The following RAB11FIP4 variants were observed in gnomAD, a reference collection of about 807,000 sequenced individuals.
RAB11FIP4 encodes the protein rab11 family-interacting protein 4.
Under a neutral mutation model 74.3 loss-of-function variants are expected in RAB11FIP4, and 23 were observed. That is an observed-to-expected ratio of 0.31 (90% CI 0.22 to 0.44). The LOEUF (loss-of-function observed/expected upper bound fraction) is 0.44, where lower values mean the gene tolerates loss of function less well. RAB11FIP4 is among the 20% of genes least tolerant of loss of function. The probability of loss-of-function intolerance (pLI) is 1.00; values close to 1 mark genes in which losing one functional copy is unlikely to be tolerated. For synonymous variants in RAB11FIP4, 360 were observed against 359.9 expected (o/e 1.00, Z 0.00); for missense variants, 630 against 863.9 (o/e 0.73, Z 3.39).
chr17:31,437,558 T>TG (rs1264222732), intron 3 of RAB11FIP4, among the ~76,000 whole-genome samples: 3 of 152,006 alleles, frequency 2.0e-5, no homozygotes, highest in African/African-American at 7.2e-5. Flanking sequence ...TGAGGAGGTG[T>TG]GGGGATGACA....
At chr17:31,407,797 C>T (rs2071056771) in intron 1 of RAB11FIP4, among the ~76,000 whole-genome samples, 1 of 152,104 alleles carries the variant, frequency 6.6e-6, no homozygotes, top group Admixed American at 6.6e-5. Context: ...GTGGTGTCTA[C>T]CTCATCTATT....
intron 1 of RAB11FIP4, among the ~76,000 whole-genome samples, chr17:31,403,051 G>A (rs952657055): frequency 3.9e-5 from 6 of 152,004 alleles, no homozygotes; most frequent in African/African-American, 7.3e-5. Flanking sequence ...AGATATATGA[G>A]TATGACTGAG....
In RAB11FIP4 at chr17:31,528,835, G is replaced by A. The variant is rs559199633; in HGVS notation, c.1653+57G>A. On this transcript the variant is annotated intron_variant, in intron 13 of 14. Coordinates refer to ENST00000621161, the MANE Select transcript of RAB11FIP4 (RefSeq NM_032932.6). Reference sequence around the variant, plus strand: ...CAGGGTGGCCGGGCCCACCACGTGGGTTTCCTGTGCAGGATCTGTGGTAGG... The same window carrying A: ...CAGGGTGGCCGGGCCCACCACGTGGATTTCCTGTGCAGGATCTGTGGTAGG... The A allele has an allele frequency of 1.5e-5, 23 of 1,553,498 alleles. No individual in the cohort carries two copies. The African/African-American group carries it at 3.1e-4, about 21-fold the overall frequency.
chr17:31,512,830 C>T lies in RAB11FIP4; in HGVS notation c.337-4821C>T, dbSNP rs1305607536. On this transcript the variant is annotated intron_variant, in intron 3 of 14. Coordinates refer to ENST00000621161, the MANE Select transcript of RAB11FIP4 (RefSeq NM_032932.6). The surrounding 1 kb of genome is among the most constrained non-coding windows in gnomAD (Gnocchi z 4.1). ...GGGTCCCTGGGTGGTGACTGGACGG[C>T]CGTGTGTGGACTCCTTTTTCACACA... 6.6e-6 allele frequency among the ~76,000 whole-genome samples: 1 copy of T among 152,126 alleles called. No homozygotes were observed. The highest frequency in any genetic ancestry group is 1.9e-4 in the East Asian group (1 of 5,190).
At chr17:31,432,098 G>A (rs936857795) in intron 2 of RAB11FIP4, among the ~76,000 whole-genome samples, 198 bp downstream of exon 2, 2 of 152,274 alleles carry the variant, frequency 1.3e-5, no homozygotes, top group African/African-American at 2.4e-5. Context: ...GGGGGGCTGT[G>A]GTCTCACCCA....
chr17:31,524,916 C>CATGTCGGA (rs1303485419), intron 9 of RAB11FIP4, 174 bp from the exon 10 acceptor site: 3 of 750,558 alleles, frequency 4.0e-6, no homozygotes, highest in Non-Finnish European at 6.6e-6. Context: ...GTGACCGACA[C>CATGTCGGA]CCCCTCTATA....
chr17:31,468,978 C>T (rs2071712713), intron 3 of RAB11FIP4, among the ~76,000 whole-genome samples: 1 of 152,176 alleles, frequency 6.6e-6, no homozygotes. Context: ...TACATGCCTA[C>T]CTGATAGGAC....
intron 1 of RAB11FIP4, among the ~76,000 whole-genome samples, chr17:31,423,209 G>A (rs138551100): frequency 1.5e-4 from 23 of 152,284 alleles, no homozygotes; most frequent in African/African-American, 4.6e-4. Flanking sequence ...GTGAGCCACC[G>A]CGCCCAGCCT....
In RAB11FIP4 at chr17:31,535,044, G is replaced by A. The variant is rs36109456; in HGVS notation, c.*3312G>A. 4 of 152,894 alleles carry A rather than the reference G, an allele frequency of 2.6e-5. No homozygotes were observed. The highest frequency in any genetic ancestry group is 5.9e-5 in the Non-Finnish European group (4 of 68,196). 9.5% of individuals were successfully genotyped at this position (152,894 alleles called of 1,614,324 possible). On this transcript the variant is annotated 3_prime_UTR_variant, in exon 15 of 15. Transcript: ENST00000621161. ...TTTGAATTGGCCAGAGTTTATCCTAGATTATTTTATTTTAAATTGGTAGAA... is the reference window on the plus strand; with the variant it reads ...TTTGAATTGGCCAGAGTTTATCCTAAATTATTTTATTTTAAATTGGTAGAA...
intron 3 of RAB11FIP4, among the ~76,000 whole-genome samples, chr17:31,483,097 G>T (rs1219256361): frequency 6.7e-6 from 1 of 149,720 alleles, no homozygotes; most frequent in Admixed American, 6.7e-5. Flanking sequence ...GGAGGCTGAG[G>T]CAGGAGAATC....
chr17:31,498,235 C>G (rs958815941), intron 3 of RAB11FIP4, among the ~76,000 whole-genome samples: 4 of 152,212 alleles, frequency 2.6e-5, no homozygotes, highest in African/African-American at 7.2e-5. Context: ...TGCGAGAAAG[C>G]CTGCCCTGGC....
intron 3 of RAB11FIP4, among the ~76,000 whole-genome samples, chr17:31,505,574 AATATATAATAATAATTATAT>A (rs2072319536): frequency 3.5e-5 from 3 of 85,106 alleles, no homozygotes; most frequent in Non-Finnish European, 6.3e-5. Context: ...AATATATAAT[AATATATAATAATAATTATAT>A]ATTATATAAT....
At chr17:31,506,169 C>T (rs1032888612) in intron 3 of RAB11FIP4, among the ~76,000 whole-genome samples, 3 of 152,108 alleles carry the variant, frequency 2.0e-5, no homozygotes, top group African/African-American at 4.8e-5. Flanking sequence ...TTTACTCTGA[C>T]AATATTGATC....
At chr17:31,470,064 T>C (rs12451936) in intron 3 of RAB11FIP4, among the ~76,000 whole-genome samples, 29,857 of 152,150 alleles carry the variant, frequency 0.2, 3,293 homozygotes, top group African/African-American at 0.29. Context: ...CCTCATGACC[T>C]TCTCAGAGGC....
At chr17:31,516,381 T>G (rs1040929973) in intron 3 of RAB11FIP4, among the ~76,000 whole-genome samples, 2 of 152,080 alleles carry the variant, frequency 1.3e-5, no homozygotes, top group Non-Finnish European at 2.9e-5. Context: ...GTTTTACCAG[T>G]GGAGGGTGTC....
intron 1 of RAB11FIP4, among the ~76,000 whole-genome samples, chr17:31,420,164 T>C (rs1343687318): frequency 6.6e-6 from 1 of 152,226 alleles, no homozygotes; most frequent in Non-Finnish European, 1.5e-5. Flanking sequence ...GTAGAAATTA[T>C]GTGTGTAGAA....
intron 3 of RAB11FIP4, among the ~76,000 whole-genome samples, chr17:31,510,853 TGAC>T (rs1018386091): frequency 5.9e-5 from 9 of 152,128 alleles, no homozygotes; most frequent in African/African-American, 2.2e-4. Flanking sequence ...TTCAACACAA[TGAC>T]GACAATAGTA....
Position 31,521,366 on chromosome 17 carries a change from C to T in RAB11FIP4, c.758+6C>T, listed in dbSNP as rs1310094119. The stretch of plus-strand genomic sequence containing the variant: ...GGGTCTTCGGTGTCTTCCAGGTGGC[C>T]CCTTGGTCTGGGATGTCATTTGGGG... On this transcript the variant is annotated splice_donor_region_variant and intron_variant, in intron 5 of 14. Coordinates refer to ENST00000621161, the MANE Select transcript of RAB11FIP4 (RefSeq NM_032932.6). 5 of 1,587,968 alleles carry T rather than the reference C, an allele frequency of 3.1e-6. No individual in the cohort carries two copies. The highest frequency in any genetic ancestry group is 2.7e-5 in the African/African-American group (2 of 73,700).
intron 3 of RAB11FIP4, among the ~76,000 whole-genome samples, chr17:31,505,425 A>ATAATTAT (rs1484422576): frequency 2.5e-5 from 2 of 81,434 alleles, no homozygotes; most frequent in African/African-American, 1.2e-4. Context: ...TTATATATTA[A>ATAATTAT]TATATAATTA....
Sources: gnomAD v4.1 joint callset for allele counts (sites outside exome capture counted in the v4.1 genomes callset) on GRCh38, gnomAD v4.1.1 for gene constraint, Gnocchi (gnomAD v3.1) non-coding constraint, MANE v1.5 for transcripts, NCBI Gene and HGNC (gene_info 2026-07-23, HGNC 2026-07-21) for gene names.